The following MAP2K5 variants were observed in gnomAD, a reference collection of about 807,000 sequenced individuals.
The protein encoded by MAP2K5 is mitogen-activated protein kinase kinase 5.
In MAP2K5, 49 loss-of-function variants were observed where a neutral mutation model predicts 83.1. The observed-to-expected ratio is 0.59, with a 90% CI of 0.47 to 0.75. The LOEUF is 0.75. Among genes scored for constraint, MAP2K5 ranks in the 30% least tolerant of loss-of-function variants. The pLI is 0.00. For missense variants in MAP2K5, 457 were observed against 557.5 expected (o/e 0.82, Z 1.82); for synonymous variants, 202 against 191.8 (o/e 1.05, Z -0.44).
rs983148061 is a variant in MAP2K5 at position 67,782,655 on chromosome 15, T to A, written c.1242+9903T>A. On this transcript the variant is annotated intron_variant, in intron 21 of 21. Transcript: ENST00000178640. The surrounding 1 kb of genome is among the most constrained non-coding windows in gnomAD (Gnocchi z 4.9). ...TAAATTTTGTTTCAATCAACCCCTGTGCTCACAGCCTGCTCCAGTTTCTAA... is the reference window on the plus strand; with the variant it reads ...TAAATTTTGTTTCAATCAACCCCTGAGCTCACAGCCTGCTCCAGTTTCTAA... Among the ~76,000 whole-genome samples the A allele has an allele frequency of 2.0e-5, 3 of 152,234 alleles. No homozygotes were observed. Among genetic ancestry groups the A allele is most frequent in the African/African-American group, 4.8e-5 (2 of 41,472 alleles).
At chr15:67,641,060 T>C (rs1853354237) in intron 9 of MAP2K5, among the ~76,000 whole-genome samples, 1 of 152,198 alleles carries the variant, frequency 6.6e-6, no homozygotes, top group Non-Finnish European at 1.5e-5. Flanking sequence ...AAAATACTGT[T>C]AGCCATCTTG....
intron 4 of MAP2K5, among the ~76,000 whole-genome samples, chr15:67,585,562 A>G (rs1475804117): frequency 2.0e-5 from 3 of 152,226 alleles, no homozygotes; most frequent in Non-Finnish European, 4.4e-5. Context: ...CAGATATACA[A>G]TGTAATAGAA....
chr15:67,686,704 A>C (rs1338638363), intron 13 of MAP2K5, among the ~76,000 whole-genome samples: 2 of 152,126 alleles, frequency 1.3e-5, no homozygotes, highest in African/African-American at 2.4e-5. Context: ...TGACAAAACC[A>C]CTCAGTGATT....
rs954401059 is a variant in MAP2K5, at chr15:67,770,995, C to T, written c.1196+1332C>T. Among the ~76,000 whole-genome samples the T allele has an allele frequency of 2.0e-5, 3 of 151,988 alleles. No homozygotes were observed. Among genetic ancestry groups the T allele is most frequent in the African/African-American group, 4.8e-5 (2 of 41,378 alleles). ...ATTTTATTTCCAAAGCATGCCATGT[C>T]GGAAAAAAGCATACATGTTGATTAA... On this transcript the variant is annotated intron_variant, in intron 20 of 21. Transcript: ENST00000178640. The surrounding 1 kb of genome is among the most constrained non-coding windows in gnomAD (Gnocchi z 5.0).
At chr15:67,634,012 G>A (rs1037196551) in intron 9 of MAP2K5, among the ~76,000 whole-genome samples, 4 of 151,870 alleles carry the variant, frequency 2.6e-5, no homozygotes, top group Non-Finnish European at 5.9e-5. Context: ...TTTTAAATTT[G>A]TTGAGACTTA....
At chr15:67,566,854 GTTAATT>G (rs1482276637) in intron 3 of MAP2K5, among the ~76,000 whole-genome samples, 1 of 152,186 alleles carries the variant, frequency 6.6e-6, no homozygotes, top group Non-Finnish European at 1.5e-5. Flanking sequence ...GCCTGAGGCT[GTTAATT>G]TTATGAGTGC....
chr15:67,767,214 A>G (rs147317264), intron 19 of MAP2K5, among the ~76,000 whole-genome samples: 2 of 152,270 alleles, frequency 1.3e-5, no homozygotes, highest in East Asian at 3.9e-4. Context: ...ACATTTCCTC[A>G]TTTTGTTTCT....
At position 67,595,186 on chromosome 15, in the gene MAP2K5, G is replaced by A. The variant is rs562171848; in HGVS notation, c.480+2212G>A. Among the ~76,000 whole-genome samples, 5 of 152,246 alleles carry A rather than the reference G, an allele frequency of 3.3e-5. No homozygotes were observed. In the South Asian group the frequency reaches 8.3e-4, roughly 25 times the overall value. On this transcript the variant is annotated intron_variant, in intron 7 of 21. Coordinates refer to ENST00000178640, the MANE Select transcript of MAP2K5 (RefSeq NM_145160.3). The stretch of plus-strand genomic sequence containing the variant: ...ATCAAATATTGACAAGTTAGAAATA[G>A]CTTTCTGCCTGGGTTCATTGATATA...
In MAP2K5 at chr15:67,750,206, A is replaced by G. The variant is rs545571387; in HGVS notation, c.1134+1605A>G. 1.3e-5 allele frequency among the ~76,000 whole-genome samples: 2 copies of G among 152,346 alleles called. No individual in the cohort carries two copies. The highest frequency in any genetic ancestry group is 3.9e-4 in the East Asian group (2 of 5,194). On this transcript the variant is annotated intron_variant, in intron 19 of 21. Transcript: ENST00000178640. This position sits in a 1 kb window ranked among gnomAD's most constrained non-coding sequence, Gnocchi z 4.2. Reference sequence around the variant, plus strand: ...AACAATAATGTGTAACTTAAATGATATATTTTTCTTCATAGCATTTCTTTC... The same window carrying G: ...AACAATAATGTGTAACTTAAATGATGTATTTTTCTTCATAGCATTTCTTTC...
rs2090274707 is a variant in MAP2K5, at chr15:67,778,458, A to G, written c.1242+5706A>G. ...TCTTCTGATCACTGTGAAAGACAAA[A>G]TGCACTGGACAATTAAGAAGATGAT... On this transcript the variant is annotated intron_variant, in intron 21 of 21. Coordinates refer to ENST00000178640, the MANE Select transcript of MAP2K5 (RefSeq NM_145160.3). This position sits in a 1 kb window ranked among gnomAD's most constrained non-coding sequence, Gnocchi z 5.0. Among the ~76,000 whole-genome samples, 1 of 152,230 alleles carries G rather than the reference A, an allele frequency of 6.6e-6. No individual in the cohort carries two copies. The highest frequency in any genetic ancestry group is 6.5e-5 in the Admixed American group (1 of 15,282).
At chr15:67,628,728 C>G (rs2086386055) in intron 8 of MAP2K5, 2 of 783,644 alleles carry the variant, frequency 2.6e-6, no homozygotes, top group African/African-American at 1.7e-5. Flanking sequence ...CAAGAGATGG[C>G]TAATGCTTCA....
At chr15:67,642,831 T>C (rs1199936558) in intron 9 of MAP2K5, among the ~76,000 whole-genome samples, 1 of 152,220 alleles carries the variant, frequency 6.6e-6, no homozygotes, top group Non-Finnish European at 1.5e-5. Context: ...AAGGGAATGA[T>C]ATATTCACAG....
chr15:67,547,077 A>ACACACACAC (rs368718348), intron 1 of MAP2K5, among the ~76,000 whole-genome samples: 2 of 144,196 alleles, frequency 1.4e-5, no homozygotes, highest in African/African-American at 5.2e-5. Flanking sequence ...AAAAGAAGAA[A>ACACACACAC]ACACACACAC....
At chr15:67,618,708 A>G (rs1180732566) in intron 8 of MAP2K5, among the ~76,000 whole-genome samples, 2 of 152,172 alleles carry the variant, frequency 1.3e-5, no homozygotes, top group Non-Finnish European at 2.9e-5. Context: ...TTTCTCTCAG[A>G]TTATGTATAC....
chr15:67,646,168 T>G (rs921183551), intron 9 of MAP2K5, 63 bp from the exon 10 acceptor site: 2 of 696,988 alleles, frequency 2.9e-6, no homozygotes, highest in Non-Finnish European at 4.8e-6. Context: ...TTCTTATATT[T>G]CATAGTGATT....
Position 67,770,854 on chromosome 15 carries a change from T to C in MAP2K5, c.1196+1191T>C, listed in dbSNP as rs2090127754. On this transcript the variant is annotated intron_variant, in intron 20 of 21. Transcript: ENST00000178640. This position sits in a 1 kb window ranked among gnomAD's most constrained non-coding sequence, Gnocchi z 5.0. ...CAGTTTATATTCCATAGAAAATATA[T>C]GTGAGGAAGAAATTTTTCTCCCCAA... Among the ~76,000 whole-genome samples, 1 of 152,218 alleles carries C rather than the reference T, an allele frequency of 6.6e-6. No homozygotes were observed. The highest frequency in any genetic ancestry group is 2.4e-5 in the African/African-American group (1 of 41,464).
At position 67,636,841 on chromosome 15, in the gene MAP2K5, A is replaced by G. The variant is rs377497461; in HGVS notation, c.585+5914A>G. Among the ~76,000 whole-genome samples the G allele has an allele frequency of 1.2e-3, 178 of 152,270 alleles. 1 individual carries two copies. The highest frequency in any genetic ancestry group is 4.1e-3 in the African/African-American group (170 of 41,544). On this transcript the variant is annotated intron_variant, in intron 9 of 21. Coordinates refer to ENST00000178640, the MANE Select transcript of MAP2K5 (RefSeq NM_145160.3). This position sits in a 1 kb window ranked among gnomAD's most constrained non-coding sequence, Gnocchi z 4.7. ...ATTCAGAGAGATTAACATTTGAGTT[A>G]ATGTTAACGTAAGAGATTAACATTT...
intron 11 of MAP2K5, among the ~76,000 whole-genome samples, chr15:67,649,613 A>G (rs1005214912): frequency 3.3e-5 from 5 of 152,086 alleles, no homozygotes; most frequent in Non-Finnish European, 5.9e-5. Flanking sequence ...TTCTTGTTAT[A>G]CTTGTTGAAA....
rs1429192769 is a variant in MAP2K5, at chr15:67,561,712, C to T, written c.185-1571C>T. Among the ~76,000 whole-genome samples, 1 of 152,100 alleles carries T rather than the reference C, an allele frequency of 6.6e-6. No individual in the cohort carries two copies. On this transcript the variant is annotated intron_variant, in intron 2 of 21. Coordinates refer to ENST00000178640, the MANE Select transcript of MAP2K5 (RefSeq NM_145160.3). This position sits in a 1 kb window ranked among gnomAD's most constrained non-coding sequence, Gnocchi z 4.2. ...ACAGGACTGGTCCAAGTGCTGGTTT[C>T]GATCATGCTATCAGATTGCTGTTGG...
Sources: allele counts gnomAD v4.1 joint callset (sites outside exome capture counted in the v4.1 genomes callset), GRCh38; gene constraint gnomAD v4.1.1; non-coding constraint Gnocchi (gnomAD v3.1); transcripts MANE v1.5; gene names NCBI Gene and HGNC (gene_info 2026-07-23, HGNC 2026-07-21).